Variants in TRIM14 observed in about 807,000 individuals in gnomAD.
The protein encoded by TRIM14 is tripartite motif-containing protein 14.
Under a neutral mutation model 44.5 loss-of-function variants are expected in TRIM14, and 28 were observed. That is an observed-to-expected ratio of 0.63 (90% CI 0.47 to 0.86). The LOEUF (loss-of-function observed/expected upper bound fraction) is 0.86. Ranked by LOEUF, TRIM14 falls within the 40% of genes least tolerant of loss-of-function variation. The pLI is 0.00. For missense variants in TRIM14, 607 were observed against 611.1 expected, an observed-to-expected ratio of 0.99 and a Z score of 0.07; for synonymous variants, 299 against 269.2, an observed-to-expected ratio of 1.11 and a Z score of -1.08.
chr9:98,077,325 A>G (rs1829636442), intron 6 of TRIM14, among the ~76,000 whole-genome samples: 1 of 152,100 alleles, frequency 6.6e-6, no homozygotes, highest in Non-Finnish European at 1.5e-5. Context: ...AAGAAAATGA[A>G]TTAAGAATAT....
In TRIM14 at chr9:98,076,475, A is replaced by G. The variant is rs1587923372; in HGVS notation, c.*29-6788T>C. The G allele has an allele frequency of 4.2e-5, 7 of 166,694 alleles. No homozygotes were observed. The South Asian group carries it at 8.9e-4, about 21-fold the overall frequency. 10.3% of individuals were successfully genotyped at this position (166,694 alleles called of 1,614,324 possible). ...CTGCAACCTCCGCCTCCCAGGTTCA[A>G]GTGATTCTCCTGCCTCAGCCTTCTG... On this transcript the variant is annotated intron_variant, in intron 6 of 6. Transcript: ENST00000375098.
chr9:98,098,547 T>TA (rs33996917), intron 3 of TRIM14, among the ~76,000 whole-genome samples: 25,583 of 151,438 alleles, frequency 0.17, 2,364 homozygotes, highest in Admixed American at 0.23. Context: ...CCATCTCTAC[T>TA]AAAAAATACA....
chr9:98,119,007 G>C lies in TRIM14; in HGVS notation c.182C>G (p.Ala61Gly). ...CTGCACGTGCACCGCTGCCTCCAGC[G>C]CCAGGCCCACAGGGTGGCCACGGTG... ...GAHRGHPVGL[A>G]LEAAVHVQKL... The change falls in exon 1 of 6, where the codon GCG (alanine) becomes GGG (glycine). Residue 61 changes from alanine (A) to glycine (G), a missense_variant. Physicochemically the swap from Ala to Gly is moderately conservative, Grantham distance 60. Transcript: ENST00000341469. The C allele has an allele frequency of 1.9e-6, 3 of 1,560,718 alleles. No individual in the cohort carries two copies. Among genetic ancestry groups the C allele is most frequent in the Non-Finnish European group, 2.6e-6 (3 of 1,162,712 alleles).
chr9:98,042,619 C>G, the TRIM14 span, among the ~76,000 whole-genome samples: 1 of 152,166 alleles, frequency 6.6e-6, no homozygotes, highest in African/African-American at 2.4e-5. Context: ...AGCCTGTAAT[C>G]CCAGCACTTT....
At chr9:98,036,808 A>G in the TRIM14 span, among the ~76,000 whole-genome samples, 3 of 152,214 alleles carry the variant, frequency 2.0e-5, no homozygotes, top group African/African-American at 7.2e-5. Flanking sequence ...CGGTCTCAAA[A>G]AAACAAAACA....
chr9:98,073,237 T>C (rs1031889310), intron 6 of TRIM14, among the ~76,000 whole-genome samples: 1 of 142,342 alleles, frequency 7.0e-6, no homozygotes, highest in African/African-American at 2.6e-5. Flanking sequence ...ACCCTTCCCC[T>C]GACTCCCTGT....
the TRIM14 span, among the ~76,000 whole-genome samples, chr9:98,045,491 A>C: frequency 2.0e-5 from 3 of 152,228 alleles, no homozygotes; most frequent in Non-Finnish European, 4.4e-5. Flanking sequence ...CTGTGTTCAA[A>C]TAAGACAAAT....
downstream of TRIM14, among the ~76,000 whole-genome samples, chr9:98,080,295 C>T (rs116657736): frequency 4.3e-3 from 651 of 152,364 alleles, 2 homozygotes; most frequent in African/African-American, 0.015. Flanking sequence ...TGGTCACCCT[C>T]ACCAACAAGA....
At chr9:98,088,922 G>T (rs77609451) in intron 5 of TRIM14, among the ~76,000 whole-genome samples, 5,872 of 147,424 alleles carry the variant, frequency 0.04, 136 homozygotes, top group Middle Eastern at 0.054. Context: ...TTTTTTTGTT[G>T]TTGTTGTTGT....
intron 1 of TRIM14, chr9:98,110,203 G>A (rs1490366310): frequency 3.7e-6 from 2 of 541,608 alleles, no homozygotes; most frequent in African/African-American, 1.9e-5. Context: ...CTCTAATCTT[G>A]ATTTGCACCC....
chr9:98,054,304 A>C, the TRIM14 span, among the ~76,000 whole-genome samples: 11 of 152,192 alleles, frequency 7.2e-5, no homozygotes, highest in Admixed American at 7.2e-4. Context: ...TCCCTAACCA[A>C]GAATTCCAAG....
intron 1 of TRIM14, among the ~76,000 whole-genome samples, chr9:98,114,757 G>C (rs1441745760): frequency 1.3e-5 from 2 of 152,174 alleles, no homozygotes; most frequent in Non-Finnish European, 2.9e-5. Context: ...GGTAACTTCA[G>C]AGATCTTACC....
the TRIM14 span, among the ~76,000 whole-genome samples, chr9:98,042,967 T>G: frequency 1.3e-5 from 2 of 152,210 alleles, no homozygotes; most frequent in Non-Finnish European, 2.9e-5. Context: ...AGCACTTTTA[T>G]TTTTCTTTAA....
intron 6 of TRIM14, chr9:98,078,034 C>A: frequency 9.3e-7 from 1 of 1,078,948 alleles, no homozygotes; most frequent in Non-Finnish European, 1.3e-6. Flanking sequence ...GGCAGGAACC[C>A]AACAAGCTCC....
intron 6 of TRIM14, chr9:98,078,448 A>T: frequency 1.4e-6 from 2 of 1,397,444 alleles, no homozygotes; most frequent in Non-Finnish European, 2.0e-6. Flanking sequence ...ATACTTTATA[A>T]TTTGAACATC....
downstream of TRIM14, among the ~76,000 whole-genome samples, chr9:98,066,752 G>C (rs1305670187): frequency 1.3e-5 from 2 of 151,762 alleles, no homozygotes; most frequent in Non-Finnish European, 2.9e-5. Context: ...TCAGGTTCAA[G>C]CAATTCTCCT....
chr9:98,097,055 A>T (rs1826211800), intron 3 of TRIM14, among the ~76,000 whole-genome samples: 2 of 152,110 alleles, frequency 1.3e-5, no homozygotes, highest in Admixed American at 6.6e-5. Context: ...TTAGCTGGGC[A>T]TGGTGGCACG....
At chr9:98,092,600 G>A in intron 4 of TRIM14, 1 of 235,336 alleles carries the variant, frequency 4.2e-6, no homozygotes, top group Non-Finnish European at 9.1e-6. Context: ...ATCAAGTTTT[G>A]CCTAAAGCTC....
chr9:98,102,728 G>A lies in TRIM14; in HGVS notation c.304-2564C>T, dbSNP rs116815552. Among the ~76,000 whole-genome samples the A allele has an allele frequency of 4.8e-3, 723 of 152,174 alleles. 3 individuals are homozygous for A. The highest frequency in any genetic ancestry group is 0.016 in the African/African-American group (684 of 41,522). ...TGATGGTTTCAGAGTTTCTGTTTGGGATAATGAAAAAGTTTTGGAAGTAGA... is the reference window on the plus strand; with the variant it reads ...TGATGGTTTCAGAGTTTCTGTTTGGAATAATGAAAAAGTTTTGGAAGTAGA... On this transcript the variant is annotated intron_variant, in intron 2 of 5. Transcript: ENST00000341469.
Sources: gnomAD v4.1 joint callset for allele counts (sites outside exome capture counted in the v4.1 genomes callset) on GRCh38, gnomAD v4.1.1 for gene constraint, MANE v1.5 for transcripts, NCBI Gene and HGNC (gene_info 2026-07-23, HGNC 2026-07-21) for gene names.